COPG1: variants seen among roughly 807,000 people sequenced by gnomAD.
The protein encoded by COPG1 is coatomer subunit gamma-1.
COPG1 carries 29 observed loss-of-function variants against 102.8 expected under a neutral mutation model. That is an observed-to-expected ratio of 0.28 (90% confidence interval 0.21 to 0.38). COPG1 has a LOEUF of 0.38. Ranked by LOEUF, COPG1 falls within the 10% of genes least tolerant of loss-of-function variation. The pLI is 1.00. For synonymous variants in COPG1, 406 were observed against 421.6 expected, an observed-to-expected ratio of 0.96 and a Z score of 0.45; for missense variants, 875 against 1,132.7, an observed-to-expected ratio of 0.77 and a Z score of 3.27.
intron 23 of COPG1, 98 bp from the exon 24 acceptor site, chr3:129,277,196 C>T: frequency 1.6e-6 from 2 of 1,274,672 alleles, no homozygotes; most frequent in Non-Finnish European, 2.3e-6. Flanking sequence ...TTTCACTACA[C>T]CAGAGCTGCC....
At chr3:129,254,081 A>G (rs1361560883) in intron 5 of COPG1, among the ~76,000 whole-genome samples, 3 of 150,210 alleles carry the variant, frequency 2.0e-5, no homozygotes, top group Non-Finnish European at 4.4e-5. Context: ...GGTGGATCAC[A>G]AGGTCGGGAG....
Position 129,265,636 on chromosome 3 carries a change from C to T in COPG1, c.1312C>T (p.His438Tyr), listed in dbSNP as rs759220825. ...AGAGAGCAAGGAGACAGGGCTGTCA[C>T]ATCTGTGCGAGTTCATCGAGGACTG... Reference protein sequence around the residue: ...NSESKETGLSHLCEFIEDCEF... With the variant: ...NSESKETGLSYLCEFIEDCEF... The change falls in exon 14 of 24, where the codon CAT becomes TAT. Residue 438 changes from histidine to tyrosine, a missense_variant. His to Tyr is a moderately conservative substitution (Grantham distance 83). Coordinates refer to ENST00000314797, the MANE Select transcript of COPG1 (RefSeq NM_016128.4). The T allele has an allele frequency of 5.0e-6, 8 of 1,614,224 alleles. No homozygotes were observed. In the East Asian group the frequency reaches 1.8e-4, roughly 36 times the overall value.
In COPG1 at chr3:129,277,359, A is replaced by G; in HGVS notation, c.2560A>G (p.Met854Val). The G allele has an allele frequency of 6.2e-7, 1 of 1,614,042 alleles. No individual in the cohort carries two copies. Among genetic ancestry groups the G allele is most frequent in the Non-Finnish European group, 8.5e-7 (1 of 1,179,988 alleles). The change falls in exon 24 of 24, where the codon ATG becomes GTG. Residue 854 changes from methionine (M) to valine (V), a missense_variant. Transcript: ENST00000314797. ...SRLLLLDTVT[M>V]QVTARSLEEL... ...GCTGCTGCTTTTGGACACAGTGACA[A>G]TGCAGGTGACAGCCAGAAGTTTGGA...
chr3:129,252,474 C>A, intron 3 of COPG1, 113 bp downstream of exon 3: 1 of 1,023,546 alleles, frequency 9.8e-7, no homozygotes, highest in Non-Finnish European at 1.5e-6. Flanking sequence ...CTGTAGACAA[C>A]AGCTCAGCTC....
intron 12 of COPG1, among the ~76,000 whole-genome samples, chr3:129,261,500 G>A (rs1259031250): frequency 6.6e-6 from 1 of 152,126 alleles, no homozygotes; most frequent in Non-Finnish European, 1.5e-5. Context: ...GGAAGACATT[G>A]GAAAGGTGTT....
intron 2 of COPG1, 51 bp downstream of exon 2, chr3:129,250,785 A>G: frequency 6.9e-7 from 1 of 1,454,694 alleles, no homozygotes; most frequent in East Asian, 2.3e-5. Context: ...TTCACCACCA[A>G]TGCAACTGAA....
At chr3:129,268,671 G>T (rs369670204) in intron 17 of COPG1, 51 bp downstream of exon 17, 4 of 1,597,942 alleles carry the variant, frequency 2.5e-6, no homozygotes, top group Non-Finnish European at 3.4e-6. Context: ...CTCTGTTGGA[G>T]GGTCTGCATT....
chr3:129,261,322 G>A (rs1939921459), intron 12 of COPG1, among the ~76,000 whole-genome samples: 1 of 152,144 alleles, frequency 6.6e-6, no homozygotes, highest in African/African-American at 2.4e-5. Flanking sequence ...TGACATTTGA[G>A]CTCAAACCTG....
intron 16 of COPG1, 64 bp downstream of exon 16, chr3:129,268,104 C>G (rs139551655): frequency 7.3e-7 from 1 of 1,378,796 alleles, no homozygotes; most frequent in East Asian, 2.3e-5. Context: ...TCATCACTCC[C>G]TGGGCAGGGG....
chr3:129,249,724 C>T lies in COPG1; in HGVS notation c.15C>T (p.Phe5=). 6.4e-7 allele frequency: 1 copy of T among 1,551,518 alleles called. No homozygotes were observed. Among genetic ancestry groups the T allele is most frequent in the Non-Finnish European group, 8.7e-7 (1 of 1,146,944 alleles). The change falls in exon 1 of 24, where the codon TTC becomes TTT. Residue 5 remains phenylalanine, a synonymous_variant. Transcript: ENST00000314797. MLKK[F]DKKDEESGGG... is the part of the protein sequence containing the mutation. ...CCGACTCCACTATGTTGAAGAAATTCGACAAGAAGGATGAGGAGTCAGGTG... is the reference window on the plus strand; with the variant it reads ...CCGACTCCACTATGTTGAAGAAATTTGACAAGAAGGATGAGGAGTCAGGTG...
chr3:129,261,647 C>CACTA lies in COPG1; in HGVS notation c.1128+841_1128+844dup, dbSNP rs201797252. On this transcript the variant is annotated intron_variant, in intron 12 of 23. Coordinates refer to ENST00000314797, the MANE Select transcript of COPG1 (RefSeq NM_016128.4). ...CCTCTCCTACAGTGCCAGCATCCTA[C>CACTA]ACTAGCACAGGACAATGTCAACCAG... Among the ~76,000 whole-genome samples, 82 of 152,316 alleles carry CACTA rather than the reference C, an allele frequency of 5.4e-4. No individual in the cohort carries two copies. In the East Asian group the frequency reaches 0.016, roughly 29 times the overall value.
Position 129,275,172 on chromosome 3 carries a change from A to G in COPG1, c.2396-22A>G. 1 of 1,606,974 alleles carries G rather than the reference A, an allele frequency of 6.2e-7. No individual in the cohort carries two copies. The highest frequency in any genetic ancestry group is 8.5e-7 in the Non-Finnish European group (1 of 1,173,594). Reference sequence around the variant, plus strand: ...AAAGGGCAGATAAGATGGCTTAACAATATTGGGATTTCTCATTACAGAGGC... The same window carrying G: ...AAAGGGCAGATAAGATGGCTTAACAGTATTGGGATTTCTCATTACAGAGGC... On this transcript the variant is annotated intron_variant, in intron 22 of 23. Coordinates refer to ENST00000314797, the MANE Select transcript of COPG1 (RefSeq NM_016128.4). This position sits in a 1 kb window ranked among gnomAD's most constrained non-coding sequence, Gnocchi z 5.0.
chr3:129,251,919 A>G (rs910536459), intron 2 of COPG1, among the ~76,000 whole-genome samples: 4 of 139,278 alleles, frequency 2.9e-5, no homozygotes, highest in African/African-American at 1.1e-4. Flanking sequence ...AACTGACCTC[A>G]GGTGATCCAC....
In COPG1 at chr3:129,255,065, C is replaced by G. The variant is rs756633636; in HGVS notation, c.480C>G (p.Leu160=). The change falls in exon 7 of 24, where the codon CTC becomes CTG. Residue 160 remains leucine, a synonymous_variant. Coordinates refer to ENST00000314797, the MANE Select transcript of COPG1 (RefSeq NM_016128.4). Reference sequence around the variant, plus strand: ...TGCCCAGTGTCTCCAGCTCTGCCCTCGTGTCTTCCTTGGTGTGTAGTTGCT... The same window carrying G: ...TGCCCAGTGTCTCCAGCTCTGCCCTGGTGTCTTCCTTGGTGTGTAGTTGCT... ...DKVPSVSSSA[L]VSSLHLLKCS... is the part of the protein sequence containing the mutation. 6.2e-7 allele frequency: 1 copy of G among 1,613,568 alleles called. No individual in the cohort carries two copies. The highest frequency in any genetic ancestry group is 8.5e-7 in the Non-Finnish European group (1 of 1,179,514).
At position 129,271,359 on chromosome 3, in the gene COPG1, A is replaced by G. The variant is rs983723386; in HGVS notation, c.1844-408A>G. ...TAGGACCAGTTTGTTATTTTGTCTG[A>G]TTTTGTAGCTATAGCAGTATCGATC... is the stretch of plus-strand genomic sequence containing the variant. On this transcript the variant is annotated intron_variant, in intron 18 of 23. Coordinates refer to ENST00000314797, the MANE Select transcript of COPG1 (RefSeq NM_016128.4). The surrounding 1 kb of genome is among the most constrained non-coding windows in gnomAD (Gnocchi z 4.7). Among the ~76,000 whole-genome samples the G allele has an allele frequency of 6.6e-6, 1 of 152,166 alleles. No individual in the cohort carries two copies. Among genetic ancestry groups the G allele is most frequent in the African/African-American group, 2.4e-5 (1 of 41,418 alleles).
intron 10 of COPG1, 145 bp downstream of exon 10, chr3:129,258,005 T>C (rs1233569709): frequency 1.5e-5 from 15 of 1,007,158 alleles, no homozygotes; most frequent in African/African-American, 6.5e-5. Flanking sequence ...CCAGACACTA[T>C]GCTGAGTCCC....
intron 12 of COPG1, among the ~76,000 whole-genome samples, chr3:129,263,350 G>A (rs533948237): frequency 1.3e-5 from 2 of 152,294 alleles, no homozygotes; most frequent in Admixed American, 1.3e-4. Flanking sequence ...GGAGTTTGAA[G>A]TGCTGTGGGC....
intron 16 of COPG1, 104 bp downstream of exon 16, chr3:129,268,144 C>T: frequency 2.0e-6 from 2 of 1,005,800 alleles, no homozygotes; most frequent in Non-Finnish European, 3.0e-6. Context: ...CTTGGCTGGA[C>T]TTGCCTGGCA....
chr3:129,266,849 T>C (rs6772496), intron 14 of COPG1, among the ~76,000 whole-genome samples, 175 bp from the exon 15 acceptor site: 17,022 of 152,116 alleles, frequency 0.11, 2,652 homozygotes, highest in African/African-American at 0.35. Flanking sequence ...CCTGGGATGG[T>C]GCCAAGATCC....
Sources: allele counts gnomAD v4.1 joint callset (sites outside exome capture counted in the v4.1 genomes callset), GRCh38; gene constraint gnomAD v4.1.1; non-coding constraint Gnocchi (gnomAD v3.1); transcripts MANE v1.5; gene names NCBI Gene and HGNC (gene_info 2026-07-23, HGNC 2026-07-21).